TBCD: variants seen among roughly 807,000 people sequenced by gnomAD.
TBCD encodes tubulin-specific chaperone D.
Under a neutral mutation model 169.3 loss-of-function variants are expected in TBCD, and 105 were observed. That is an observed-to-expected ratio of 0.62 (90% confidence interval 0.53 to 0.73). The LOEUF (loss-of-function observed/expected upper bound fraction) is 0.73. Among genes scored for constraint, TBCD ranks in the 30% least tolerant of loss-of-function variants. The probability of loss-of-function intolerance (pLI) is 0.00; values close to 1 mark genes in which losing one functional copy is unlikely to be tolerated. For synonymous variants in TBCD, 700 were observed against 643.9 expected (o/e 1.09, Z -1.32); for missense variants, 1,444 against 1,600.1 (o/e 0.90, Z 1.66).
Position 82,834,302 on chromosome 17 carries a change from C to T in TBCD, c.1318+19368C>T, listed in dbSNP as rs79826066. On this transcript the variant is annotated intron_variant, in intron 13 of 38. Coordinates refer to ENST00000355528, the MANE Select transcript of TBCD (RefSeq NM_005993.5). ...GTCCACCTGGCAGCTGGGCCTGGAG[C>T]GACTCAAGCAGCAACTGTGCCTGGG... Among the ~76,000 whole-genome samples, 1,258 of 152,218 alleles carry T rather than the reference C, an allele frequency of 8.3e-3. 12 individuals carry two copies. Among genetic ancestry groups the T allele is most frequent in the African/African-American group, 0.027 (1,141 of 41,534 alleles).
intron 37 of TBCD, among the ~76,000 whole-genome samples, chr17:82,940,442 T>C (rs1460226997): frequency 6.6e-6 from 1 of 152,042 alleles, no homozygotes; most frequent in East Asian, 1.9e-4. Context: ...GTCTGTGGGG[T>C]CCACGCCCCT....
At position 82,814,928 on chromosome 17, in the gene TBCD, G is replaced by T. The variant is rs770119863; in HGVS notation, c.1312G>T (p.Val438Leu). The T allele has an allele frequency of 6.2e-7, 1 of 1,611,732 alleles. No individual in the cohort carries two copies. The highest frequency in any genetic ancestry group is 1.1e-5 in the South Asian group (1 of 90,756). Residue 438 changes from valine (V) to leucine (L), a missense_variant, in exon 13 of 39, where the codon GTG (valine) becomes TTG (leucine). Transcript: ENST00000355528. ...AGGCCTGTTGCTGCCGTCTCGACTC[G>T]TGGATGGTGAGTAGCTGAGGCACGG... ...RRGLLLPSRL[V>L]DVVAVILKAL... is the part of the protein sequence containing the mutation.
In TBCD at chr17:82,925,018, C is replaced by T. The variant is rs760178665; in HGVS notation, c.2340C>T (p.Gly780=). The T allele has an allele frequency of 5.2e-5, 81 of 1,569,166 alleles. No homozygotes were observed. Among genetic ancestry groups the T allele is most frequent in the Middle Eastern group, 1.7e-4 (1 of 5,976 alleles). Residue 780 remains glycine, a synonymous_variant, in exon 27 of 39, where the codon GGC becomes GGT. Transcript: ENST00000355528. ...GCTGTGGCTTCTCGTTGGCCTTGGG[C>T]GCCCTTCCAGGCTTCCTTCTGAAAG... ...MTRCGFSLAL[G]ALPGFLLKGR... is the part of the protein sequence containing the mutation.
intron 13 of TBCD, among the ~76,000 whole-genome samples, chr17:82,852,101 A>G (rs2055841728): frequency 6.6e-6 from 1 of 151,992 alleles, no homozygotes; most frequent in Admixed American, 6.5e-5. Context: ...CAGTTGTAGA[A>G]CATTTTACCC....
In TBCD at chr17:82,929,349, C is replaced by T; in HGVS notation, c.2853-13C>T. ...ATTGGCAGCCCGGCCTTGTCTCACTCACTCTCTTGCAGGTCCGATGTGGCC... is the reference window on the plus strand; with the variant it reads ...ATTGGCAGCCCGGCCTTGTCTCACTTACTCTCTTGCAGGTCCGATGTGGCC... On this transcript the variant is annotated splice_polypyrimidine_tract_variant and intron_variant, in intron 31 of 38. Coordinates refer to ENST00000355528, the MANE Select transcript of TBCD (RefSeq NM_005993.5). 6.2e-7 allele frequency: 1 copy of T among 1,611,184 alleles called. No homozygotes were observed. The highest frequency in any genetic ancestry group is 8.5e-7 in the Non-Finnish European group (1 of 1,177,990).
At position 82,752,164 on chromosome 17, in the gene TBCD, A is replaced by G; in HGVS notation, c.-30A>G. 6.7e-7 allele frequency: 1 copy of G among 1,488,268 alleles called. No homozygotes were observed. The highest frequency in any genetic ancestry group is 8.9e-7 in the Non-Finnish European group (1 of 1,122,160). 92.2% of individuals were successfully genotyped at this position (1,488,268 alleles called of 1,614,324 possible). On this transcript the variant is annotated 5_prime_UTR_variant, in exon 1 of 39. Transcript: ENST00000355528. ...GCGGAGTGGGATCTGCGAACACGTGAGGCGGGGGCGCGGTCCCCAGGCTGC... is the reference window on the plus strand; with the variant it reads ...GCGGAGTGGGATCTGCGAACACGTGGGGCGGGGGCGCGGTCCCCAGGCTGC...
intron 13 of TBCD, chr17:82,839,884 TTAAAA>T (rs1406756482): frequency 6.6e-6 from 1 of 152,220 alleles, no homozygotes; most frequent in Non-Finnish European, 1.5e-5. Flanking sequence ...GAGAAGAGTT[TTAAAA>T]TAAAACTTGA....
chr17:82,819,904 G>A (rs975973991), intron 13 of TBCD, among the ~76,000 whole-genome samples: 1 of 152,052 alleles, frequency 6.6e-6, no homozygotes, highest in Non-Finnish European at 1.5e-5. Context: ...TACAATGTTT[G>A]TGAACCCTTA....
At chr17:82,808,570 T>A (rs1185475920) in intron 11 of TBCD, among the ~76,000 whole-genome samples, 4 of 24,948 alleles carry the variant, frequency 1.6e-4, no homozygotes, top group African/African-American at 5.2e-4. Context: ...GGGGGCGGGT[T>A]GGCCCCTGCT....
intron 22 of TBCD, among the ~76,000 whole-genome samples, chr17:82,911,269 T>A (rs1042173477): frequency 3.3e-5 from 5 of 152,104 alleles, no homozygotes; most frequent in Non-Finnish European, 7.3e-5. Context: ...GTGAATATTT[T>A]GCCCTCCCCA....
Position 82,905,931 on chromosome 17 carries a change from T to C in TBCD, c.1805-5T>C. The C allele has an allele frequency of 1.9e-6, 3 of 1,607,682 alleles. No homozygotes were observed. Among genetic ancestry groups the C allele is most frequent in the Admixed American group, 3.4e-5 (2 of 59,440 alleles). Reference sequence around the variant, plus strand: ...CACCTGCCCTCTCGGCCCTGTCTCTTGCAGTCTTCCCGAGGCTGCTGTCCA... The same window carrying C: ...CACCTGCCCTCTCGGCCCTGTCTCTCGCAGTCTTCCCGAGGCTGCTGTCCA... On this transcript the variant is annotated splice_polypyrimidine_tract_variant and splice_region_variant and intron_variant, in intron 19 of 38. Transcript: ENST00000355528.
chr17:82,815,071 C>T (rs761083395), intron 13 of TBCD, 137 bp downstream of exon 13: 42 of 1,391,586 alleles, frequency 3.0e-5, no homozygotes, highest in Non-Finnish European at 3.9e-5. Context: ...CTGTCCGTGG[C>T]AGGCTGCAGC....
rs2053678674 is a variant in TBCD at position 82,833,308 on chromosome 17, G to A, written c.1318+18374G>A. On this transcript the variant is annotated intron_variant, in intron 13 of 38. Coordinates refer to ENST00000355528, the MANE Select transcript of TBCD (RefSeq NM_005993.5). The surrounding 1 kb of genome is among the most constrained non-coding windows in gnomAD (Gnocchi z 4.7). ...AGAACCCAAGACCATGGATGCTGCT[G>A]CCTCCCCTGGGGCCGATCCCTAAGC... 6.6e-6 allele frequency among the ~76,000 whole-genome samples: 1 copy of A among 152,116 alleles called. No individual in the cohort carries two copies. The highest frequency in any genetic ancestry group is 1.5e-5 in the Non-Finnish European group (1 of 68,018).
At position 82,835,180 on chromosome 17, in the gene TBCD, A is replaced by G. The variant is rs1212726384; in HGVS notation, c.1318+20246A>G. ...CTGTGAGGTTTTATGTGTAGACATC[A>G]GGGTGGCTAAAAGTCAAGTGAAAAG... On this transcript the variant is annotated intron_variant, in intron 13 of 38. Transcript: ENST00000355528. This position sits in a 1 kb window ranked among gnomAD's most constrained non-coding sequence, Gnocchi z 4.5. Among the ~76,000 whole-genome samples the G allele has an allele frequency of 6.6e-6, 1 of 152,152 alleles. No individual in the cohort carries two copies. The highest frequency in any genetic ancestry group is 2.4e-5 in the African/African-American group (1 of 41,414).
chr17:82,832,725 C>G lies in TBCD; in HGVS notation c.1318+17791C>G, dbSNP rs2053626378. The G allele has an allele frequency of 3.8e-6, 2 of 525,556 alleles. No individual in the cohort carries two copies. The highest frequency in any genetic ancestry group is 3.4e-5 in the East Asian group (1 of 29,300). The allele number at this position is 525,556 out of a possible 1,614,324, so 32.6% of individuals were successfully genotyped here. A position where few individuals can be genotyped will look rare whatever the true frequency, so the allele number is the denominator to read the frequency against. On this transcript the variant is annotated intron_variant, in intron 13 of 38. Transcript: ENST00000355528. This position sits in a 1 kb window ranked among gnomAD's most constrained non-coding sequence, Gnocchi z 4.9. The stretch of plus-strand genomic sequence containing the variant: ...GGCTCGCCACAGTGCCACAGGATCC[C>G]TGAAGCAGAACCCCTGAAGGGCTGA...
intron 13 of TBCD, among the ~76,000 whole-genome samples, chr17:82,836,448 C>T (rs973941237): frequency 5.9e-5 from 9 of 152,214 alleles, no homozygotes; most frequent in South Asian, 2.1e-4. Context: ...TGCGTCCTCG[C>T]GAGACCGAAA....
intron 7 of TBCD, among the ~76,000 whole-genome samples, chr17:82,796,397 G>A (rs1250003503): frequency 6.6e-6 from 1 of 152,248 alleles, no homozygotes; most frequent in Non-Finnish European, 1.5e-5. Context: ...AAAGTTAAAT[G>A]AGAACTTGTT....
intron 14 of TBCD, among the ~76,000 whole-genome samples, chr17:82,882,132 G>A (rs1019104955): frequency 2.6e-5 from 4 of 152,252 alleles, no homozygotes; most frequent in South Asian, 2.1e-4. Flanking sequence ...CCGAGGAAGT[G>A]CAGAGTCCAG....
rs187142320 is a variant in TBCD at position 82,887,376 on chromosome 17, A to G, written c.1534-2292A>G. On this transcript the variant is annotated intron_variant, in intron 15 of 38. Transcript: ENST00000355528. ...TCTCCGTTGCCTATTCTATTCTGTC[A>G]TCTCGAGAATGCTGTGTAAATGGAC... Among the ~76,000 whole-genome samples the G allele has an allele frequency of 4.7e-4, 71 of 152,004 alleles. No individual in the cohort carries two copies. The East Asian group carries it at 0.014, about 29-fold the overall frequency.
Sources: allele counts gnomAD v4.1 joint callset (sites outside exome capture counted in the v4.1 genomes callset), GRCh38; gene constraint gnomAD v4.1.1; non-coding constraint Gnocchi (gnomAD v3.1); transcripts MANE v1.5; gene names NCBI Gene and HGNC (gene_info 2026-07-23, HGNC 2026-07-21).